The following LANCL1 variants were observed in gnomAD, a reference collection of about 807,000 sequenced individuals.
LANCL1 encodes the protein glutathione S-transferase LANCL1.
LANCL1 carries 50 observed loss-of-function variants against 50.6 expected under a neutral mutation model. The observed-to-expected ratio is 0.99, with a 90% CI of 0.79 to 1.25. LANCL1 has a LOEUF of 1.25. Among genes scored for constraint, LANCL1 ranks in the 50% most tolerant of loss-of-function variants. LANCL1 has a pLI of 0.00. For missense variants in LANCL1, 532 were observed against 480.7 expected (o/e 1.11, Z -1.00); for synonymous variants, 188 against 178.6 (o/e 1.05, Z -0.42).
rs1304514123 is a variant in LANCL1 at position 210,434,820 on chromosome 2, A to AC, written c.1124-258dup. Among the ~76,000 whole-genome samples the AC allele has an allele frequency of 6.6e-5, 10 of 151,504 alleles. 1 individual carries two copies. The highest frequency in any genetic ancestry group is 3.3e-4 in the Admixed American group (5 of 15,184). On this transcript the variant is annotated intron_variant, in intron 9 of 9. Coordinates refer to ENST00000450366, the MANE Select transcript of LANCL1 (RefSeq NM_006055.3). ...ATGGCTTTTTCCTCACCTCACTGAC[A>AC]CCCCCCGAGAGCAGTTACAACTCTG...
intron 4 of LANCL1, among the ~76,000 whole-genome samples, chr2:210,447,841 C>T (rs11690895): frequency 0.21 from 31,538 of 152,012 alleles, 4,158 homozygotes; most frequent in Middle Eastern, 0.34. Flanking sequence ...TACAGGAGCA[C>T]CCAGATTCAT....
intron 2 of LANCL1, among the ~76,000 whole-genome samples, chr2:210,474,199 A>G (rs1694294566): frequency 6.6e-6 from 1 of 152,020 alleles, no homozygotes; most frequent in Non-Finnish European, 1.5e-5. Context: ...TTTTTTTCTG[A>G]CAGATGCCAG....
chr2:210,444,976 G>A lies in LANCL1; in HGVS notation c.408-3533C>T, dbSNP rs146405031. Reference sequence around the variant, plus strand: ...ATTCCAGAACTGGGAGCTCAGTAACGTTGGGGCCATAAGAAAACAAAATGT... The same window carrying A: ...ATTCCAGAACTGGGAGCTCAGTAACATTGGGGCCATAAGAAAACAAAATGT... On this transcript the variant is annotated intron_variant, in intron 4 of 9. Coordinates refer to ENST00000450366, the MANE Select transcript of LANCL1 (RefSeq NM_006055.3). Among the ~76,000 whole-genome samples, 17 of 151,830 alleles carry A rather than the reference G, an allele frequency of 1.1e-4. No homozygotes were observed. In the East Asian group the frequency reaches 2.3e-3, roughly 21 times the overall value.
intron 4 of LANCL1, among the ~76,000 whole-genome samples, chr2:210,442,012 C>G (rs1693154555): frequency 6.6e-6 from 1 of 151,544 alleles, no homozygotes. Flanking sequence ...TTAAGTGATT[C>G]TCCTACCTCA....
At chr2:210,449,270 G>T (rs1459530915) in intron 4 of LANCL1, among the ~76,000 whole-genome samples, 1 of 152,182 alleles carries the variant, frequency 6.6e-6, no homozygotes, top group Non-Finnish European at 1.5e-5. Flanking sequence ...TATCTCAATA[G>T]ATGCAGAAAA....
chr2:210,451,008 T>G (rs1299393053), intron 4 of LANCL1, among the ~76,000 whole-genome samples: 1 of 152,206 alleles, frequency 6.6e-6, no homozygotes, highest in Admixed American at 6.5e-5. Flanking sequence ...TAACTTATTC[T>G]ACTACAAAGA....
chr2:210,452,587 C>T (rs1028395860), intron 4 of LANCL1, among the ~76,000 whole-genome samples: 1 of 152,118 alleles, frequency 6.6e-6, no homozygotes, highest in African/African-American at 2.4e-5. Context: ...TTAAGAAAAG[C>T]ACAAATGCTC....
At chr2:210,446,590 T>C (rs4673528) in intron 4 of LANCL1, among the ~76,000 whole-genome samples, 94,898 of 151,682 alleles carry the variant, frequency 0.63, 30,665 homozygotes, top group East Asian at 0.83. Context: ...ACCAAATGCA[T>C]GGAAGTTAAG....
intron 3 of LANCL1, among the ~76,000 whole-genome samples, chr2:210,461,233 A>G (rs1215232509): frequency 6.6e-6 from 1 of 151,978 alleles, no homozygotes; most frequent in Middle Eastern, 3.2e-3. Context: ...TCTAGTGGCC[A>G]TTGTGAAGTG....
chr2:210,463,257 C>G lies in LANCL1; in HGVS notation c.200-7943G>C, dbSNP rs920427741. Among the ~76,000 whole-genome samples the G allele has an allele frequency of 2.0e-5, 3 of 152,018 alleles. No individual in the cohort carries two copies. The South Asian group carries it at 6.2e-4, about 32-fold the overall frequency. On this transcript the variant is annotated intron_variant, in intron 3 of 9. Transcript: ENST00000450366. ...AGACAGTCTCCCTTTGTTGCTCAGG[C>G]TGGAGTACAGTGGCACGATTTTGGC...
At chr2:210,448,383 C>A (rs1420899295) in intron 4 of LANCL1, among the ~76,000 whole-genome samples, 1 of 152,066 alleles carries the variant, frequency 6.6e-6, no homozygotes, top group Non-Finnish European at 1.5e-5. Context: ...GCACTAAATG[C>A]CCACAAGAGA....
chr2:210,453,835 T>G lies in LANCL1; in HGVS notation c.407+1272A>C, dbSNP rs368120140. Among the ~76,000 whole-genome samples, 28 of 152,312 alleles carry G rather than the reference T, an allele frequency of 1.8e-4. No individual in the cohort carries two copies. The East Asian group carries it at 4.2e-3, about 23-fold the overall frequency. ...TCAGCTACTATGGAAGGAACACACT[T>G]TAAACTTTGGGGGAAATCACTGTTT... On this transcript the variant is annotated intron_variant, in intron 4 of 9. Transcript: ENST00000450366.
chr2:210,460,961 C>T (rs1408200941), intron 3 of LANCL1: 1 of 151,908 alleles, frequency 6.6e-6, no homozygotes, highest in South Asian at 2.1e-4. Flanking sequence ...AAAAACAAAA[C>T]AAAAAAACAG....
At chr2:210,437,639 T>G (rs1692978116) in intron 7 of LANCL1, 51 bp downstream of exon 7, 1 of 1,144,770 alleles carries the variant, frequency 8.7e-7, no homozygotes, top group African/African-American at 1.6e-5. Context: ...AATTTTAAAT[T>G]ATAAATTTTT....
chr2:210,451,888 G>A (rs1191283161), intron 4 of LANCL1, among the ~76,000 whole-genome samples: 3 of 152,160 alleles, frequency 2.0e-5, no homozygotes, highest in African/African-American at 7.2e-5. Context: ...CTATAACGTA[G>A]ATAAACCTTG....
chr2:210,464,193 C>G (rs146041486), intron 3 of LANCL1, among the ~76,000 whole-genome samples: 1 of 152,280 alleles, frequency 6.6e-6, no homozygotes, highest in Non-Finnish European at 1.5e-5. Flanking sequence ...CTTATCTGAA[C>G]TAGCGTTAAT....
intron 3 of LANCL1, among the ~76,000 whole-genome samples, chr2:210,458,839 A>C (rs954574504): frequency 2.6e-5 from 4 of 152,176 alleles, no homozygotes; most frequent in Admixed American, 2.6e-4. Flanking sequence ...ATTTCTACTG[A>C]CTTCTAACAT....
chr2:210,459,771 A>AACAT (rs1037157146), intron 3 of LANCL1, among the ~76,000 whole-genome samples: 1 of 150,134 alleles, frequency 6.7e-6, no homozygotes, highest in Non-Finnish European at 1.5e-5. Flanking sequence ...CAAACAAACA[A>AACAT]ACATGCTGTG....
intron 4 of LANCL1, among the ~76,000 whole-genome samples, chr2:210,447,270 T>A (rs2105899282): frequency 6.6e-6 from 1 of 151,758 alleles, no homozygotes; most frequent in South Asian, 2.1e-4. Flanking sequence ...AAAGGAGAAA[T>A]GGAGAAATAA....
Sources: allele counts gnomAD v4.1 joint callset (sites outside exome capture counted in the v4.1 genomes callset), GRCh38; gene constraint gnomAD v4.1.1; transcripts MANE v1.5; gene names NCBI Gene and HGNC (gene_info 2026-07-23, HGNC 2026-07-21).